Variants in NCKIPSD observed in about 807,000 individuals in gnomAD.
NCKIPSD encodes NCK interacting protein with SH3 domain.
Under a neutral mutation model 73.4 loss-of-function variants are expected in NCKIPSD, and 48 were observed. The ratio of observed to expected loss-of-function variants is 0.65; its 90% CI spans 0.52 to 0.83. The LOEUF (loss-of-function observed/expected upper bound fraction) is 0.83. Among genes scored for constraint, NCKIPSD ranks in the 40% least tolerant of loss-of-function variants. NCKIPSD has a pLI of 0.00. For synonymous variants in NCKIPSD, 422 were observed against 403.6 expected, an observed-to-expected ratio of 1.05 and a Z score of -0.54; for missense variants, 884 against 970.2, an observed-to-expected ratio of 0.91 and a Z score of 1.18.
At chr3:48,680,686 GGAGCACTAAA>G (rs1481214234) in intron 5 of NCKIPSD, among the ~76,000 whole-genome samples, 4 of 152,056 alleles carry the variant, frequency 2.6e-5, no homozygotes, top group Non-Finnish European at 5.9e-5. Context: ...CAGGAACCAT[GGAGCACTAAA>G]GAGGGACCTT....
intron 5 of NCKIPSD, 163 bp downstream of exon 5, chr3:48,681,124 T>C: frequency 8.8e-7 from 1 of 1,141,902 alleles, no homozygotes; most frequent in Non-Finnish European, 1.2e-6. Flanking sequence ...ATGCTTGTCC[T>C]TCCTTTCTGC....
intron 12 of NCKIPSD, among the ~76,000 whole-genome samples, chr3:48,676,881 C>T (rs1171710829): frequency 6.6e-6 from 1 of 151,896 alleles, no homozygotes; most frequent in African/African-American, 2.4e-5. Flanking sequence ...AGCAATTCTC[C>T]TGCCTCAGCC....
Position 48,685,755 on chromosome 3 carries a change from A to T in NCKIPSD, c.53T>A (p.Phe18Tyr). ...CACCAGGAAGGTCTCGCCCGCGGCG[A>T]ACGCCAGCGCGTTGGGCTCCGCCGA... The part of the protein sequence containing the change: ...FRSAEPNALA[F>Y]AAGETFLVLE... Residue 18 changes from phenylalanine (F) to tyrosine (Y), a missense_variant, in exon 1 of 13, where the codon TTC (phenylalanine) becomes TAC (tyrosine). By Grantham distance (22) the Phe-to-Tyr change is conservative. Transcript: ENST00000294129. 1 of 1,533,580 alleles carries T rather than the reference A, an allele frequency of 6.5e-7. No individual in the cohort carries two copies. Among genetic ancestry groups the T allele is most frequent in the Non-Finnish European group, 8.7e-7 (1 of 1,148,792 alleles). The allele number at this position is 1,533,580 out of a possible 1,614,324, so 95.0% of individuals were successfully genotyped here. A position where few individuals can be genotyped will look rare whatever the true frequency, so the allele number is the denominator to read the frequency against.
chr3:48,678,735 A>T lies in NCKIPSD; in HGVS notation c.1794T>A (p.Asp598Glu). The change falls in exon 12 of 13, where the codon GAT becomes GAA. Residue 598 changes from aspartate to glutamate, a missense_variant and splice_region_variant. Coordinates refer to ENST00000294129, the MANE Select transcript of NCKIPSD (RefSeq NM_016453.4). ...CATGTTTGAAGATGCGCACAGGGTC[A>T]TCTAGGAGGCAGGGGTCATAGCGGT... ...EKLLLLLNRG[D>E]DPVRIFKHEP... 1 of 1,613,244 alleles carries T rather than the reference A, an allele frequency of 6.2e-7. No homozygotes were observed. The highest frequency in any genetic ancestry group is 8.5e-7 in the Non-Finnish European group (1 of 1,179,530).
In NCKIPSD at chr3:48,679,196, C is replaced by T. The variant is rs757192989; in HGVS notation, c.1571-13G>A. 532 of 1,613,430 alleles carry T rather than the reference C, an allele frequency of 3.3e-4. No individual in the cohort carries two copies. Among genetic ancestry groups the T allele is most frequent in the Non-Finnish European group, 4.1e-4 (483 of 1,179,840 alleles). On this transcript the variant is annotated splice_polypyrimidine_tract_variant and intron_variant, in intron 9 of 12. Transcript: ENST00000294129. ...GTGCCCAGGTGCTCTGGGAGAGGGG[C>T]GCACAGAAGTCTGCAGCCCCATTCC...
intron 12 of NCKIPSD, among the ~76,000 whole-genome samples, chr3:48,676,159 C>T (rs995963281): frequency 6.6e-6 from 1 of 152,238 alleles, no homozygotes; most frequent in Non-Finnish European, 1.5e-5. Flanking sequence ...TGCTGTGTCA[C>T]TCTCCCTTAG....
rs766444218 is a variant in NCKIPSD at position 48,681,701 on chromosome 3, G to C, written c.678C>G (p.Leu226=). ...GTTCAGATGGGCTGGAGCTGGTATA[G>C]AGCGTGTCCAGGGAGGTGCTGCTGA... The part of the protein sequence containing the change: ...SSVSSTSLDT[L]YTSSSPSEPG... The change falls in exon 5 of 13, where the codon CTC becomes CTG. Residue 226 remains leucine, a synonymous_variant. Transcript: ENST00000294129. 1 of 1,577,052 alleles carries C rather than the reference G, an allele frequency of 6.3e-7. No individual in the cohort carries two copies. The highest frequency in any genetic ancestry group is 8.6e-7 in the Non-Finnish European group (1 of 1,161,538).
intron 5 of NCKIPSD, among the ~76,000 whole-genome samples, chr3:48,680,660 C>A (rs953433400): frequency 3.3e-5 from 5 of 151,988 alleles, no homozygotes; most frequent in African/African-American, 1.2e-4. Flanking sequence ...CCCCAACACC[C>A]AAACCAGAAG....
At chr3:48,677,891 T>G (rs537405533) in intron 12 of NCKIPSD, among the ~76,000 whole-genome samples, 4 of 152,302 alleles carry the variant, frequency 2.6e-5, no homozygotes, top group South Asian at 2.1e-4. Flanking sequence ...CACTCCGAAA[T>G]GTCTCTCTAG....
chr3:48,682,488 C>T lies in NCKIPSD; in HGVS notation c.346G>A (p.Val116Ile), dbSNP rs755256619. The T allele has an allele frequency of 6.2e-6, 10 of 1,614,166 alleles. No individual in the cohort carries two copies. The highest frequency in any genetic ancestry group is 6.8e-6 in the Non-Finnish European group (8 of 1,180,010). The change falls in exon 3 of 13, where the codon GTT (valine) becomes ATT (isoleucine). Residue 116 changes from valine to isoleucine, a missense_variant. Physicochemically the swap from Val to Ile is conservative, Grantham distance 29. Coordinates refer to ENST00000294129, the MANE Select transcript of NCKIPSD (RefSeq NM_016453.4). ...TGGTCACTGGTTGATGAGGTCATAA[C>T]TGCAACACTGGAGGCTGAAGGGCCT... is the stretch of plus-strand genomic sequence containing the variant. The part of the protein sequence containing the change: ...RRGPSASSVA[V>I]MTSSTSDHHL...
At chr3:48,679,918 C>T in intron 6 of NCKIPSD, 31 bp from the exon 7 acceptor site, 3 of 1,613,912 alleles carry the variant, frequency 1.9e-6, no homozygotes, top group Non-Finnish European at 2.5e-6. Context: ...GAGCATCAGC[C>T]ACCATGAGCG....
Position 48,678,946 on chromosome 3 carries a change from C to G in NCKIPSD, c.1723G>C (p.Ala575Pro). Residue 575 changes from alanine to proline, a missense_variant, in exon 11 of 13, where the codon GCT (alanine) becomes CCT (proline). Transcript: ENST00000294129. ...ACATTGGCGTGTTTGCTCAGGGCAG[C>G]CATGATGACATTCTGGTCAGCAGCT... ...LPAADQNVIM[A>P]ALSKHANVKI... is the part of the protein sequence containing the mutation. 6.2e-7 allele frequency: 1 copy of G among 1,614,072 alleles called. No individual in the cohort carries two copies. Among genetic ancestry groups the G allele is most frequent in the Non-Finnish European group, 8.5e-7 (1 of 1,180,018 alleles).
At chr3:48,675,530 T>TATATC (rs2077241409) in intron 12 of NCKIPSD, among the ~76,000 whole-genome samples, 2 of 137,208 alleles carry the variant, frequency 1.5e-5, no homozygotes, top group South Asian at 2.2e-4. Context: ...ATATATATGA[T>TATATC]ATATATATAT....
chr3:48,685,087 T>C (rs540369723), intron 1 of NCKIPSD, among the ~76,000 whole-genome samples: 19 of 147,982 alleles, frequency 1.3e-4, no homozygotes, highest in Non-Finnish European at 2.5e-4. Flanking sequence ...AGTTGGGGGG[T>C]TGAGGACCTG....
At position 48,679,246 on chromosome 3, in the gene NCKIPSD, C is replaced by T. The variant is rs187601832; in HGVS notation, c.1571-63G>A. 2.1e-3 allele frequency: 3,316 copies of T among 1,610,808 alleles called. 8 individuals are homozygous for T. The highest frequency in any genetic ancestry group is 2.3e-3 in the Non-Finnish European group (2,760 of 1,178,872). The stretch of plus-strand genomic sequence containing the variant: ...CCCTCCGACCCCCGCACCACCCACC[C>T]TTCCTGGCTTTCTGTGAGCCTTGGG... On this transcript the variant is annotated intron_variant, in intron 9 of 12. Coordinates refer to ENST00000294129, the MANE Select transcript of NCKIPSD (RefSeq NM_016453.4).
intron 2 of NCKIPSD, 152 bp from the exon 3 acceptor site, chr3:48,682,704 ATCC>A: frequency 8.7e-7 from 1 of 1,143,616 alleles, no homozygotes. Context: ...ACCCCATACT[ATCC>A]TCAGTCCTGC....
At position 48,678,696 on chromosome 3, in the gene NCKIPSD, T is replaced by G. The variant is rs1380226589; in HGVS notation, c.1833A>C (p.Pro611=). The G allele has an allele frequency of 6.2e-7, 1 of 1,613,998 alleles. No homozygotes were observed. Among genetic ancestry groups the G allele is most frequent in the East Asian group, 2.2e-5 (1 of 44,878 alleles). ...CCTGCAGGAACTTGAGGACAGAGTG[T>G]GGTGGCTGTGGCTCATGTTTGAAGA... ...VRIFKHEPQP[P]HSVLKFLQDV... is the part of the protein sequence containing the mutation. The change falls in exon 12 of 13, where the codon CCA becomes CCC. Residue 611 remains proline (P), a synonymous_variant. Transcript: ENST00000294129.
At position 48,679,656 on chromosome 3, in the gene NCKIPSD, G is replaced by C. The variant is rs780790278; in HGVS notation, c.1408C>G (p.Leu470Val). ...LLKCFGAMCSLDAAIISTLVS... is the reference protein window; with the variant it reads ...LLKCFGAMCSVDAAIISTLVS... Reference sequence around the variant, plus strand: ...AGCGTGGAGATGATGGCTGCATCCAGGCTGCACATGGCGCCAAAGCACTTG... The same window carrying C: ...AGCGTGGAGATGATGGCTGCATCCACGCTGCACATGGCGCCAAAGCACTTG... Residue 470 changes from leucine to valine, a missense_variant, in exon 8 of 13, where the codon CTG (leucine) becomes GTG (valine). Coordinates refer to ENST00000294129, the MANE Select transcript of NCKIPSD (RefSeq NM_016453.4). The C allele has an allele frequency of 1.9e-6, 3 of 1,614,086 alleles. No individual in the cohort carries two copies. The highest frequency in any genetic ancestry group is 1.6e-4 in the Middle Eastern group (1 of 6,084).
chr3:48,674,439 G>A lies in NCKIPSD; in HGVS notation c.*105C>T. 1 of 1,485,284 alleles carries A rather than the reference G, an allele frequency of 6.7e-7. No individual in the cohort carries two copies. The highest frequency in any genetic ancestry group is 9.0e-7 in the Non-Finnish European group (1 of 1,116,832). The allele number at this position is 1,485,284 out of a possible 1,614,324, so 92.0% of individuals were successfully genotyped here. A position where few individuals can be genotyped will look rare whatever the true frequency, so the allele number is the denominator to read the frequency against. On this transcript the variant is annotated 3_prime_UTR_variant, in exon 13 of 13. Transcript: ENST00000294129. ...TGGGGGTCCTGCTCAGGTTCCTTCT[G>A]CCACCTTATCCCCTCCCACTGTCAG... is the stretch of plus-strand genomic sequence containing the variant.
Sources: allele counts gnomAD v4.1 joint callset (sites outside exome capture counted in the v4.1 genomes callset), GRCh38; gene constraint gnomAD v4.1.1; transcripts MANE v1.5; gene names NCBI Gene and HGNC (gene_info 2026-07-23, HGNC 2026-07-21).